Variants in TMEM123 observed in about 807,000 individuals in gnomAD.
TMEM123 encodes the protein porimin.
Under a neutral mutation model 19.7 loss-of-function variants are expected in TMEM123, and 16 were observed. That is an observed-to-expected ratio of 0.81 (90% confidence interval 0.55 to 1.23). The LOEUF (loss-of-function observed/expected upper bound fraction) is 1.23, where lower values mean the gene tolerates loss of function less well. TMEM123 is among the 50% of genes most tolerant of loss of function. TMEM123 has a pLI of 0.00. For synonymous variants in TMEM123, 118 were observed against 99.4 expected (o/e 1.19, Z -1.12); for missense variants, 313 against 257.8 (o/e 1.21, Z -1.47).
At chr11:102,436,938 A>G (rs1346393214) in intron 2 of TMEM123, among the ~76,000 whole-genome samples, 1 of 152,108 alleles carries the variant, frequency 6.6e-6, no homozygotes, top group African/African-American at 2.4e-5. Flanking sequence ...AACAACAGGA[A>G]CCCAGAGTTT....
chr11:102,407,608 AT>A (rs1036189331), intron 2 of TMEM123, among the ~76,000 whole-genome samples: 1 of 152,242 alleles, frequency 6.6e-6, no homozygotes, highest in African/African-American at 2.4e-5. Context: ...TGGTGACCTT[AT>A]TAAAAGTGAA....
chr11:102,451,882 G>T (rs1031615222), intron 1 of TMEM123, among the ~76,000 whole-genome samples: 19 of 152,222 alleles, frequency 1.2e-4, no homozygotes, highest in Non-Finnish European at 2.5e-4. Flanking sequence ...GCCTCGGCCG[G>T]GTGTTTATGG....
intron 2 of TMEM123, among the ~76,000 whole-genome samples, chr11:102,409,549 AT>A (rs1395645523): frequency 2.6e-5 from 4 of 151,746 alleles, no homozygotes; most frequent in African/African-American, 9.7e-5. Context: ...GAAAATCTAG[AT>A]TAAAAAAAAA....
At chr11:102,439,706 G>C (rs1175841441) in intron 2 of TMEM123, among the ~76,000 whole-genome samples, 1 of 152,222 alleles carries the variant, frequency 6.6e-6, no homozygotes. Context: ...TGACTTTGAC[G>C]AGTTGAGAGA....
In TMEM123 at chr11:102,398,743, C is replaced by T; in HGVS notation, c.*124G>A. The T allele has an allele frequency of 1.1e-6, 1 of 948,408 alleles. No individual in the cohort carries two copies. Among genetic ancestry groups the T allele is most frequent in the Non-Finnish European group, 1.6e-6 (1 of 610,768 alleles). The allele number at this position is 948,408 out of a possible 1,614,324, so 58.7% of individuals were successfully genotyped here. A position where few individuals can be genotyped will look rare whatever the true frequency, so the allele number is the denominator to read the frequency against. On this transcript the variant is annotated 3_prime_UTR_variant, in exon 5 of 5. Coordinates refer to ENST00000398136, the MANE Select transcript of TMEM123 (RefSeq NM_052932.3). ...TTACATATTTACGTAATACACTGTA[C>T]ATTATATGCATGGCCTGTTTATACT... is the stretch of plus-strand genomic sequence containing the variant.
At chr11:102,405,898 A>G (rs1951952109) in intron 2 of TMEM123, among the ~76,000 whole-genome samples, 1 of 152,238 alleles carries the variant, frequency 6.6e-6, no homozygotes, top group South Asian at 2.1e-4. Context: ...TTTGCATTAA[A>G]CTGTGTTTCC....
rs1454929274 is a variant in TMEM123, at chr11:102,405,812, A to G, written c.158-3606T>C. 2.0e-5 allele frequency among the ~76,000 whole-genome samples: 3 copies of G among 152,340 alleles called. No homozygotes were observed. In the East Asian group the frequency reaches 5.8e-4, roughly 29 times the overall value. ...TAAGTCAATCCAAATGTGCTAAAGAAACAAAAAATTTTGTCAATTTCTATG... is the reference window on the plus strand; with the variant it reads ...TAAGTCAATCCAAATGTGCTAAAGAGACAAAAAATTTTGTCAATTTCTATG... On this transcript the variant is annotated intron_variant, in intron 2 of 4. Transcript: ENST00000398136.
chr11:102,432,622 AG>A, intron 2 of TMEM123, among the ~76,000 whole-genome samples: 1 of 152,410 alleles, frequency 6.6e-6, no homozygotes, highest in South Asian at 2.1e-4. Context: ...AGCCGGCTGC[AG>A]GAATTTGCAT....
At chr11:102,418,135 A>G (rs1481690843) in intron 2 of TMEM123, among the ~76,000 whole-genome samples, 1 of 152,110 alleles carries the variant, frequency 6.6e-6, no homozygotes, top group East Asian at 1.9e-4. Context: ...GCCCTGTCAA[A>G]GCTTTCATGA....
chr11:102,441,014 C>T (rs893009043), intron 2 of TMEM123, among the ~76,000 whole-genome samples: 1 of 152,186 alleles, frequency 6.6e-6, no homozygotes, highest in East Asian at 1.9e-4. Context: ...TATATATGCA[C>T]CCAATACAGG....
At chr11:102,419,459 A>C (rs1254664354) in intron 2 of TMEM123, among the ~76,000 whole-genome samples, 1 of 152,250 alleles carries the variant, frequency 6.6e-6, no homozygotes, top group Non-Finnish European at 1.5e-5. Context: ...ATGGTACTCT[A>C]GCAAGAAATC....
At position 102,396,635 on chromosome 11, in the gene TMEM123, TAAGA is replaced by T. The variant is rs1488713536; in HGVS notation, c.*2228_*2231del. The T allele has an allele frequency of 2.0e-5, 3 of 152,326 alleles. No homozygotes were observed. The highest frequency in any genetic ancestry group is 4.8e-5 in the African/African-American group (2 of 41,558). The allele number at this position is 152,326 out of a possible 1,614,324, so 9.4% of individuals were successfully genotyped here. A position where few individuals can be genotyped will look rare whatever the true frequency, so the allele number is the denominator to read the frequency against. On this transcript the variant is annotated 3_prime_UTR_variant, in exon 5 of 5. Transcript: ENST00000398136. ...CAAAACTGAGCATTTTTTTTATGCT[TAAGA>T]AATATGGTCCAAAGCAAAATATTTT...
At chr11:102,411,534 G>A (rs997470281) in intron 2 of TMEM123, among the ~76,000 whole-genome samples, 3 of 152,148 alleles carry the variant, frequency 2.0e-5, no homozygotes, top group Admixed American at 6.5e-5. Context: ...AGAGCTGAAC[G>A]TGCAATTAGC....
In TMEM123 at chr11:102,416,557, C is replaced by T. The variant is rs186631028; in HGVS notation, c.158-14351G>A. ...AATCAGGAAAAGCCTTGGACCAGAC[C>T]GATTCACAGTCAAGTTCTACCAGAC... On this transcript the variant is annotated intron_variant, in intron 2 of 4. Coordinates refer to ENST00000398136, the MANE Select transcript of TMEM123 (RefSeq NM_052932.3). Among the ~76,000 whole-genome samples the T allele has an allele frequency of 5.3e-5, 8 of 151,910 alleles. No homozygotes were observed. In the East Asian group the frequency reaches 9.7e-4, roughly 18 times the overall value.
At chr11:102,403,444 T>A (rs901061221) in intron 2 of TMEM123, among the ~76,000 whole-genome samples, 2 of 152,278 alleles carry the variant, frequency 1.3e-5, no homozygotes, top group Non-Finnish European at 2.9e-5. Flanking sequence ...ATCTTCTTTT[T>A]AACACGACAA....
At chr11:102,440,511 G>C in intron 2 of TMEM123, among the ~76,000 whole-genome samples, 1 of 152,140 alleles carries the variant, frequency 6.6e-6, no homozygotes. Context: ...GAGAGATTTT[G>C]TCACCACCAG....
chr11:102,425,583 C>CTT (rs1167174586), intron 2 of TMEM123, among the ~76,000 whole-genome samples: 3,136 of 107,908 alleles, frequency 0.029, 75 homozygotes, highest in Middle Eastern at 0.055. Flanking sequence ...TTTCTTTTTT[C>CTT]TTTTTTTTTT....
At chr11:102,417,929 A>G (rs1420808869) in intron 2 of TMEM123, among the ~76,000 whole-genome samples, 2 of 152,190 alleles carry the variant, frequency 1.3e-5, no homozygotes, top group Non-Finnish European at 2.9e-5. Context: ...TACTGGGATA[A>G]CTGGCTAGCC....
At position 102,396,380 on chromosome 11, in the gene TMEM123, G is replaced by T. The variant is rs188043076; in HGVS notation, c.*2487C>A. Reference sequence around the variant, plus strand: ...TCTAAAAATAGAACTTGGTAACAATGAAATACCAAAAGCTGGTCATTATAA... The same window carrying T: ...TCTAAAAATAGAACTTGGTAACAATTAAATACCAAAAGCTGGTCATTATAA... On this transcript the variant is annotated 3_prime_UTR_variant, in exon 5 of 5. Transcript: ENST00000398136. The T allele has an allele frequency of 6.6e-6, 1 of 152,156 alleles. No individual in the cohort carries two copies. The highest frequency in any genetic ancestry group is 2.4e-5 in the African/African-American group (1 of 41,532). 9.4% of individuals were successfully genotyped at this position (152,156 alleles called of 1,614,324 possible).
Sources: gnomAD v4.1 joint callset for allele counts (sites outside exome capture counted in the v4.1 genomes callset) on GRCh38, gnomAD v4.1.1 for gene constraint, MANE v1.5 for transcripts, NCBI Gene and HGNC (gene_info 2026-07-23, HGNC 2026-07-21) for gene names.